Variants in PLCL1 observed in about 807,000 individuals in gnomAD.
PLCL1 encodes the protein phospholipase C like 1 (inactive).
In PLCL1, 41 loss-of-function variants were observed where a neutral mutation model predicts 84.4. The observed-to-expected ratio is 0.49, with a 90% CI of 0.38 to 0.63. The LOEUF (loss-of-function observed/expected upper bound fraction) is 0.63, where lower values mean the gene tolerates loss of function less well. Ranked by LOEUF, PLCL1 falls within the 30% of genes least tolerant of loss-of-function variation. The pLI, the probability that PLCL1 is intolerant of heterozygous loss-of-function variation, is 0.00. For missense variants in PLCL1, 1,206 were observed against 1,367.8 expected (o/e 0.88, Z 1.87); for synonymous variants, 490 against 488.3 (o/e 1.00, Z -0.05).
rs547227013 is a variant in PLCL1, at chr2:198,090,519, A to G, written c.2919+1458A>G. Among the ~76,000 whole-genome samples the G allele has an allele frequency of 5.8e-4, 88 of 152,352 alleles. 2 individuals carry two copies. The highest frequency in any genetic ancestry group is 1.9e-3 in the African/African-American group (80 of 41,584). ...AACAAGTAGAAGAAAGATATTGGAG[A>G]TAAACATTCTACGAATGAAAAAGAA... is the stretch of plus-strand genomic sequence containing the variant. On this transcript the variant is annotated intron_variant, in intron 3 of 5. Transcript: ENST00000428675.
intron 1 of PLCL1, among the ~76,000 whole-genome samples, chr2:197,983,646 C>T (rs796140299): frequency 1.3e-5 from 2 of 152,248 alleles, no homozygotes; most frequent in African/African-American, 4.8e-5. Flanking sequence ...CTGTGCTAGG[C>T]ACCGAAGATA....
intron 1 of PLCL1, among the ~76,000 whole-genome samples, chr2:197,906,562 T>C (rs567530776): frequency 6.6e-6 from 1 of 152,310 alleles, no homozygotes; most frequent in African/African-American, 2.4e-5. Flanking sequence ...TTTGGTTCCA[T>C]GTTAAGTTTA....
chr2:197,893,736 G>A (rs1206963390), intron 1 of PLCL1, among the ~76,000 whole-genome samples: 5 of 149,406 alleles, frequency 3.3e-5, no homozygotes, highest in African/African-American at 7.3e-5. Context: ...TGGGCTTTAC[G>A]TGGCTACTTA....
Position 198,084,476 on chromosome 2 carries a change from T to C in PLCL1, c.959T>C (p.Leu320Pro). ...ACCAGGCCAGAAGTGTATTTCTTAC[T>C]TGTACAGATATCTAAAAACAAAGAA... ...LCTRPEVYFL[L>P]VQISKNKEYL... The change falls in exon 2 of 6, where the codon CTT becomes CCT. Residue 320 changes from leucine (L) to proline (P), a missense_variant. Leu to Pro is a moderately conservative substitution (Grantham distance 98, BLOSUM62 -3). Coordinates refer to ENST00000428675, the MANE Select transcript of PLCL1 (RefSeq NM_006226.4). 6.2e-7 allele frequency: 1 copy of C among 1,614,074 alleles called. No homozygotes were observed. The highest frequency in any genetic ancestry group is 8.5e-7 in the Non-Finnish European group (1 of 1,179,910).
chr2:197,990,553 C>T (rs564434580), intron 1 of PLCL1, among the ~76,000 whole-genome samples: 16 of 152,242 alleles, frequency 1.1e-4, no homozygotes, highest in Admixed American at 2.0e-4. Context: ...TCTTACATGG[C>T]GGCAGGCAAG....
Position 198,147,201 on chromosome 2 carries a change from A to T in PLCL1, c.*239A>T, listed in dbSNP as rs1242928111. 2 of 167,118 alleles carry T rather than the reference A, an allele frequency of 1.2e-5. No individual in the cohort carries two copies. Among genetic ancestry groups the T allele is most frequent in the Non-Finnish European group, 2.0e-5 (2 of 98,488 alleles). 10.4% of individuals were successfully genotyped at this position (167,118 alleles called of 1,614,324 possible). On this transcript the variant is annotated 3_prime_UTR_variant, in exon 6 of 6. Transcript: ENST00000428675. ...ACACCCCTGTGTGGATGCCTGTGGA[A>T]GAGTGTGTGTGTGTGTGTGTGTGTG...
In PLCL1 at chr2:198,084,477, T is replaced by C. The variant is rs989373681; in HGVS notation, c.960T>C (p.Leu320=). Residue 320 remains leucine, a synonymous_variant, in exon 2 of 6, where the codon CTT becomes CTC. Coordinates refer to ENST00000428675, the MANE Select transcript of PLCL1 (RefSeq NM_006226.4). ...LCTRPEVYFL[L]VQISKNKEYL... ...CCAGGCCAGAAGTGTATTTCTTACT[T>C]GTACAGATATCTAAAAACAAAGAAT... The C allele has an allele frequency of 1.9e-6, 3 of 1,614,054 alleles. No homozygotes were observed. In the Admixed American group the frequency reaches 5.0e-5, roughly 27 times the overall value.
chr2:198,085,673 C>G lies in PLCL1; in HGVS notation c.2156C>G (p.Ser719Cys). The change falls in exon 2 of 6, where the codon TCT becomes TGT. Residue 719 changes from serine to cysteine, a missense_variant. By Grantham distance (112) the Ser-to-Cys change is moderately radical. Transcript: ENST00000428675. The surrounding 1 kb of genome is among the most constrained non-coding windows in gnomAD (Gnocchi z 5.3). ...ANTKGILPGV[S>C]PLALHIKIIS... ...ACAAAGGGCATTCTACCTGGGGTGT[C>G]TCCTCTAGCTCTTCATATCAAGATC... 1.9e-6 allele frequency: 3 copies of G among 1,614,116 alleles called. No individual in the cohort carries two copies. Among genetic ancestry groups the G allele is most frequent in the Non-Finnish European group, 2.5e-6 (3 of 1,179,978 alleles).
chr2:197,953,672 A>G (rs1689431103), intron 1 of PLCL1, among the ~76,000 whole-genome samples: 1 of 152,048 alleles, frequency 6.6e-6, no homozygotes, highest in African/African-American at 2.4e-5. Context: ...TTATATATTA[A>G]TATATCAGTA....
At chr2:197,876,019 A>G (rs1687726199) in intron 1 of PLCL1, among the ~76,000 whole-genome samples, 1 of 152,160 alleles carries the variant, frequency 6.6e-6, no homozygotes, top group Non-Finnish European at 1.5e-5. Context: ...AATTTCCCCA[A>G]AACTTGGACT....
intron 1 of PLCL1, among the ~76,000 whole-genome samples, chr2:197,846,015 G>A (rs936890271): frequency 1.3e-5 from 2 of 152,066 alleles, no homozygotes; most frequent in Non-Finnish European, 2.9e-5. Flanking sequence ...AGTGAAATGG[G>A]TGTATTAAAA....
chr2:197,871,032 T>C (rs189273747), intron 1 of PLCL1, among the ~76,000 whole-genome samples: 56 of 152,198 alleles, frequency 3.7e-4, no homozygotes, highest in African/African-American at 1.3e-3. Context: ...TTGTGTAAAA[T>C]TCCGTGTTTG....
At chr2:198,043,903 T>C (rs1290736238) in intron 1 of PLCL1, among the ~76,000 whole-genome samples, 2 of 149,806 alleles carry the variant, frequency 1.3e-5, no homozygotes, top group East Asian at 3.9e-4. Context: ...TTTTTTTAAA[T>C]GAGAGGCTAA....
intron 1 of PLCL1, among the ~76,000 whole-genome samples, chr2:197,853,104 T>G (rs1687270227): frequency 1.3e-5 from 2 of 152,352 alleles, no homozygotes; most frequent in South Asian, 4.1e-4. Context: ...CTCATATAAA[T>G]GGAATCGTAC....
At chr2:197,843,150 G>C (rs1459446331) in intron 1 of PLCL1, among the ~76,000 whole-genome samples, 1 of 152,178 alleles carries the variant, frequency 6.6e-6, no homozygotes, top group Non-Finnish European at 1.5e-5. Context: ...TTGTGGCAAT[G>C]AGTAGGTCTA....
chr2:197,954,280 A>G (rs1689444981), intron 1 of PLCL1, among the ~76,000 whole-genome samples: 1 of 152,246 alleles, frequency 6.6e-6, no homozygotes, highest in Non-Finnish European at 1.5e-5. Flanking sequence ...TAAAAGCTGG[A>G]ATTCTCAAAT....
chr2:197,880,288 C>T (rs1040313308), intron 1 of PLCL1, among the ~76,000 whole-genome samples: 18 of 152,132 alleles, frequency 1.2e-4, no homozygotes, highest in African/African-American at 4.3e-4. Flanking sequence ...TAGAGGCAGC[C>T]GAAGGACTTT....
At chr2:197,998,175 ATGTGTGTGTG>A (rs58332002) in intron 1 of PLCL1, among the ~76,000 whole-genome samples, 166 of 131,966 alleles carry the variant, frequency 1.3e-3, no homozygotes, top group African/African-American at 3.8e-3. Context: ...GAATGGAGCT[ATGTGTGTGTG>A]TGTGTGTGTG....
chr2:198,055,381 G>C (rs1048965079), intron 1 of PLCL1, among the ~76,000 whole-genome samples: 36 of 150,336 alleles, frequency 2.4e-4, no homozygotes, highest in East Asian at 1.9e-3. Flanking sequence ...GAGAGAGAGA[G>C]AGAGAGAAAG....
Sources: allele counts gnomAD v4.1 joint callset (sites outside exome capture counted in the v4.1 genomes callset), GRCh38; gene constraint gnomAD v4.1.1; non-coding constraint Gnocchi (gnomAD v3.1); transcripts MANE v1.5; gene names NCBI Gene and HGNC (gene_info 2026-07-23, HGNC 2026-07-21).